PCDH15: variants seen among roughly 807,000 people sequenced by gnomAD.
PCDH15 encodes the protein protocadherin related 15.
A neutral mutation model predicts 178.5 loss-of-function variants in PCDH15; 129 were observed. The ratio of observed to expected loss-of-function variants is 0.72; its 90% CI spans 0.63 to 0.84. The LOEUF is 0.84. Among genes scored for constraint, PCDH15 ranks in the 40% least tolerant of loss-of-function variants. The pLI is 0.00. For synonymous variants in PCDH15, 800 were observed against 732.0 expected (o/e 1.09, Z -1.50); for missense variants, 2,230 against 2,099.9 (o/e 1.06, Z -1.21).
chr10:54,466,577 T>A (rs1177347670), intron 3 of PCDH15, among the ~76,000 whole-genome samples: 1 of 152,062 alleles, frequency 6.6e-6, no homozygotes, highest in Non-Finnish European at 1.5e-5. Context: ...TTGGTTGCTA[T>A]AGCCTTGTAA....
At chr10:54,825,527 C>T (rs1009518683) in intron 3 of PCDH15, among the ~76,000 whole-genome samples, 1 of 147,136 alleles carries the variant, frequency 6.8e-6, no homozygotes, top group South Asian at 2.2e-4. Context: ...ACATCCTCTC[C>T]AGCACCTGTT....
At chr10:54,925,877 G>A (rs1837609929) in intron 2 of PCDH15, among the ~76,000 whole-genome samples, 1 of 151,926 alleles carries the variant, frequency 6.6e-6, no homozygotes, top group Non-Finnish European at 1.5e-5. Context: ...CTAAATATAG[G>A]AGCGTGTCTT....
At chr10:54,350,166 C>T (rs1458676450) in intron 5 of PCDH15, among the ~76,000 whole-genome samples, 2 of 151,948 alleles carry the variant, frequency 1.3e-5, no homozygotes, top group Non-Finnish European at 2.9e-5. Context: ...AAATGAAAAG[C>T]ATTAGTGTAA....
At chr10:53,958,639 C>A (rs2087881672) in intron 23 of PCDH15, among the ~76,000 whole-genome samples, 1 of 152,112 alleles carries the variant, frequency 6.6e-6, no homozygotes, top group Admixed American at 6.5e-5. Context: ...CATGCAGACA[C>A]CCTGGTCTTA....
intron 3 of PCDH15, among the ~76,000 whole-genome samples, chr10:54,443,864 T>A (rs1589438935): frequency 6.6e-6 from 1 of 151,690 alleles, no homozygotes; most frequent in Non-Finnish European, 1.5e-5. Flanking sequence ...TCATAATTTC[T>A]GTAACAGAGC....
chr10:53,964,319 G>A (rs2134333405), intron 21 of PCDH15, among the ~76,000 whole-genome samples: 1 of 150,182 alleles, frequency 6.7e-6, no homozygotes, highest in East Asian at 1.9e-4. Context: ...AATGTTACCT[G>A]ACCCATAATA....
At chr10:54,989,012 C>CT (rs1423632036) in intron 2 of PCDH15, among the ~76,000 whole-genome samples, 1 of 152,186 alleles carries the variant, frequency 6.6e-6, no homozygotes, top group African/African-American at 2.4e-5. Context: ...ACTTGGTGCC[C>CT]TGCAACCCAG....
In PCDH15 at chr10:53,806,435, CTTAAAAT is replaced by C. The variant is rs1297521936; in HGVS notation, c.*137_*143del. On this transcript the variant is annotated 3_prime_UTR_variant, in exon 38 of 38. Coordinates refer to ENST00000644397, the MANE Select transcript of PCDH15 (RefSeq NM_001384140.1). Reference sequence around the variant, plus strand: ...TAACAATGTGAGTGCAAATCTGTCTCTTAAAATTTTAAAGCATATTGTTCAAAGTTTT... The same window carrying C: ...TAACAATGTGAGTGCAAATCTGTCTCTTTAAAGCATATTGTTCAAAGTTTT... The C allele has an allele frequency of 1.4e-6, 1 of 719,646 alleles. No individual in the cohort carries two copies. Among genetic ancestry groups the C allele is most frequent in the East Asian group, 2.8e-5 (1 of 36,334 alleles). 44.6% of individuals were successfully genotyped at this position (719,646 alleles called of 1,614,324 possible). A position where few individuals can be genotyped will look rare whatever the true frequency, so the allele number is the denominator to read the frequency against.
chr10:54,543,212 C>T (rs1011587717), intron 2 of PCDH15, among the ~76,000 whole-genome samples: 3 of 152,172 alleles, frequency 2.0e-5, no homozygotes, highest in Non-Finnish European at 4.4e-5. Flanking sequence ...AGTTGTTCTC[C>T]AAGCCCACGT....
chr10:55,081,252 C>T (rs987895685), intron 2 of PCDH15, among the ~76,000 whole-genome samples: 1 of 152,062 alleles, frequency 6.6e-6, no homozygotes, highest in African/African-American at 2.4e-5. Flanking sequence ...TTCTAGTTGA[C>T]GTATGATTAT....
chr10:54,023,270 T>A, intron 18 of PCDH15, 73 bp from the exon 19 acceptor site: 1 of 1,397,668 alleles, frequency 7.2e-7, no homozygotes, highest in Non-Finnish European at 9.9e-7. Context: ...AGGTAACAGT[T>A]AACAAATTAT....
In PCDH15 at chr10:54,339,897, A is replaced by G. The variant is rs549682959; in HGVS notation, c.594+6468T>C. On this transcript the variant is annotated intron_variant, in intron 6 of 37. Coordinates refer to ENST00000644397, the MANE Select transcript of PCDH15 (RefSeq NM_001384140.1). ...TAATCTCTGATGTTTCCTCCTAGTA[A>G]TTTTCCATCCAGTGACCCTGACCCT... is the stretch of plus-strand genomic sequence containing the variant. Among the ~76,000 whole-genome samples the G allele has an allele frequency of 1.6e-3, 245 of 151,990 alleles. 1 individual carries two copies. Among genetic ancestry groups the G allele is most frequent in the Non-Finnish European group, 2.9e-3 (195 of 67,984 alleles).
intron 2 of PCDH15, among the ~76,000 whole-genome samples, chr10:55,448,679 A>G (rs568653661): frequency 2.7e-4 from 41 of 152,142 alleles, no homozygotes; most frequent in African/African-American, 8.9e-4. Flanking sequence ...ATCTCTCAAA[A>G]TATATTAATA....
chr10:54,616,559 G>C (rs1213563735), intron 2 of PCDH15, among the ~76,000 whole-genome samples: 5 of 152,028 alleles, frequency 3.3e-5, no homozygotes, highest in Admixed American at 3.3e-4. Context: ...TCCAGATACA[G>C]AATCAAATAT....
At chr10:55,473,706 T>C (rs1048193311) in intron 2 of PCDH15, among the ~76,000 whole-genome samples, 23 of 152,234 alleles carry the variant, frequency 1.5e-4, no homozygotes, top group African/African-American at 5.5e-4. Flanking sequence ...AATTTTTGAT[T>C]AATAATTCCA....
At chr10:55,078,107 A>G (rs1251788475) in intron 2 of PCDH15, among the ~76,000 whole-genome samples, 1 of 151,942 alleles carries the variant, frequency 6.6e-6, no homozygotes, top group East Asian at 1.9e-4. Flanking sequence ...CCTTGGGTAG[A>G]ATTTTTTTAT....
At chr10:54,047,206 C>T (rs2093673254) in intron 18 of PCDH15, among the ~76,000 whole-genome samples, 1 of 152,006 alleles carries the variant, frequency 6.6e-6, no homozygotes, top group Admixed American at 6.6e-5. Flanking sequence ...ACCAAATAGG[C>T]TGATAGCATG....
At chr10:54,772,414 T>C (rs1000776719) in intron 1 of PCDH15, among the ~76,000 whole-genome samples, 3 of 152,334 alleles carry the variant, frequency 2.0e-5, no homozygotes, top group East Asian at 3.9e-4. Flanking sequence ...AATACAATTA[T>C]GGCTTGGAAA....
At chr10:55,435,163 G>T (rs1839009467) in intron 2 of PCDH15, among the ~76,000 whole-genome samples, 1 of 151,974 alleles carries the variant, frequency 6.6e-6, no homozygotes, top group African/African-American at 2.4e-5. Context: ...TGCTTTTGTG[G>T]GGTAAAGAAA....
Sources: gnomAD v4.1 joint callset for allele counts (sites outside exome capture counted in the v4.1 genomes callset) on GRCh38, gnomAD v4.1.1 for gene constraint, MANE v1.5 for transcripts, NCBI Gene and HGNC (gene_info 2026-07-23, HGNC 2026-07-21) for gene names.